Variants in DNA2 observed in about 807,000 individuals in gnomAD.
The protein encoded by DNA2 is DNA replication ATP-dependent helicase/nuclease DNA2.
In DNA2, 101 loss-of-function variants were observed where a neutral mutation model predicts 119.1. The observed-to-expected ratio is 0.85, with a 90% confidence interval of 0.72 to 1.00. DNA2 has a LOEUF of 1.00. Ranked by LOEUF, DNA2 falls within the 50% of genes least tolerant of loss-of-function variation. The pLI, the probability that DNA2 is intolerant of heterozygous loss-of-function variation, is 0.00. For missense variants in DNA2, 1,121 were observed against 1,255.5 expected (o/e 0.89, Z 1.62); for synonymous variants, 366 against 424.4 (o/e 0.86, Z 1.69).
chr10:68,439,031 C>CAAAAA (rs35393675), intron 9 of DNA2, among the ~76,000 whole-genome samples: 1 of 80,606 alleles, frequency 1.2e-5, no homozygotes, highest in Admixed American at 1.5e-4. Context: ...AGAATCTGTC[C>CAAAAA]AAAAAAAAAA....
Position 68,427,400 on chromosome 10 carries a change from C to T in DNA2, c.2208+3036G>A, listed in dbSNP as rs942410275. Among the ~76,000 whole-genome samples the T allele has an allele frequency of 5.3e-5, 8 of 151,418 alleles. No individual in the cohort carries two copies. In the East Asian group the frequency reaches 1.6e-3, roughly 29 times the overall value. On this transcript the variant is annotated intron_variant, in intron 14 of 20. Coordinates refer to ENST00000358410, the MANE Select transcript of DNA2 (RefSeq NM_001080449.3). ...TATGGCTGGATGCAGTGGCTCACAT[C>T]TGTAATCCCAACACTTTGGGAGGCA...
rs142420844 is a variant in DNA2, at chr10:68,429,882, A to ATTTT, written c.2208+550_2208+553dup. ...AATTCAAACTTACTAAAAAACCCGG[A>ATTTT]TTTTTTTTTTTTTTTTTTGAGCTGG... On this transcript the variant is annotated intron_variant, in intron 14 of 20. Transcript: ENST00000358410. 3.3e-3 allele frequency among the ~76,000 whole-genome samples: 414 copies of ATTTT among 123,646 alleles called. 18 individuals are homozygous for ATTTT. Among genetic ancestry groups the ATTTT allele is most frequent in the African/African-American group, 0.013 (394 of 31,112 alleles). 81.1% of individuals were successfully genotyped at this position (123,646 alleles called of 152,430 possible).
intron 14 of DNA2, among the ~76,000 whole-genome samples, chr10:68,429,316 A>G (rs1384976765): frequency 6.6e-6 from 1 of 151,584 alleles, no homozygotes. Flanking sequence ...AGGCCGAGGC[A>G]GGAGGATAAC....
At chr10:68,442,641 C>T (rs2051985144) in intron 9 of DNA2, among the ~76,000 whole-genome samples, 1 of 152,170 alleles carries the variant, frequency 6.6e-6, no homozygotes, top group South Asian at 2.1e-4. Flanking sequence ...CCCACCTCGG[C>T]CTCCCAAAGA....
At chr10:68,450,485 G>A (rs1025331508) in intron 5 of DNA2, among the ~76,000 whole-genome samples, 1 of 152,124 alleles carries the variant, frequency 6.6e-6, no homozygotes, top group Non-Finnish European at 1.5e-5. Context: ...GAAACTCTAG[G>A]GGTGAGGCCT....
chr10:68,430,289 T>C (rs2051802494), intron 14 of DNA2, 147 bp downstream of exon 14: 3 of 633,570 alleles, frequency 4.7e-6, no homozygotes, highest in Non-Finnish European at 8.1e-6. Context: ...TAGCAAACTA[T>C]AAGTTAATAA....
At chr10:68,430,381 T>A in intron 14 of DNA2, 55 bp downstream of exon 14, 2 of 1,280,878 alleles carry the variant, frequency 1.6e-6, no homozygotes, top group Non-Finnish European at 2.2e-6. Context: ...GTTTCTCCCC[T>A]CATTCTGGCT....
intron 5 of DNA2, among the ~76,000 whole-genome samples, chr10:68,456,811 T>C (rs964445223): frequency 2.0e-5 from 3 of 150,606 alleles, no homozygotes; most frequent in African/African-American, 7.3e-5. Context: ...CGTGCCTATT[T>C]AAAGAAAAAT....
chr10:68,467,108 C>G (rs1218105256), intron 3 of DNA2, among the ~76,000 whole-genome samples: 4 of 151,678 alleles, frequency 2.6e-5, no homozygotes, highest in Non-Finnish European at 5.9e-5. Flanking sequence ...TTGAAATAGC[C>G]CAAAATACAT....
intron 20 of DNA2, 116 bp from the exon 21 acceptor site, chr10:68,415,223 CT>C: frequency 1.7e-6 from 1 of 589,866 alleles, no homozygotes; most frequent in Non-Finnish European, 3.0e-6. Flanking sequence ...AAATAAGGAT[CT>C]TTATGGCATT....
intron 8 of DNA2, 95 bp downstream of exon 8, chr10:68,444,826 T>C: frequency 1.3e-6 from 1 of 768,390 alleles, no homozygotes; most frequent in East Asian, 3.0e-5. Flanking sequence ...ATAACTAAAA[T>C]GATGTTATCA....
At position 68,432,477 on chromosome 10, in the gene DNA2, G is replaced by A. The variant is rs760928575; in HGVS notation, c.1680C>T (p.Phe560=). The A allele has an allele frequency of 3.2e-6, 5 of 1,572,068 alleles. No individual in the cohort carries two copies. The South Asian group carries it at 5.9e-5, about 19-fold the overall frequency. The change falls in exon 11 of 21, where the codon TTC becomes TTT. Residue 560 remains phenylalanine (F), a synonymous_variant. Coordinates refer to ENST00000358410, the MANE Select transcript of DNA2 (RefSeq NM_001080449.3). The stretch of plus-strand genomic sequence containing the variant: ...AATTTTTTTCTTCTTGGTCTAATCT[G>A]AACAAAGTTGATTCTGGAAGGACCG... ...NLSVLPESTL[F]RLDQEEKNCD... is the part of the protein sequence containing the mutation.
intron 14 of DNA2, among the ~76,000 whole-genome samples, chr10:68,428,193 G>C (rs1368826066): frequency 1.3e-5 from 2 of 152,022 alleles, no homozygotes; most frequent in Admixed American, 1.3e-4. Flanking sequence ...TGGGCGTGGT[G>C]GCAGGCGCCT....
At chr10:68,419,963 T>A (rs540165973) in intron 17 of DNA2, 71 bp from the exon 18 acceptor site, 88 of 1,179,920 alleles carry the variant, frequency 7.5e-5, no homozygotes, top group Admixed American at 1.5e-4. Context: ...CAACTGGCCA[T>A]AAAGACTATA....
rs10998173 is a variant in DNA2, at chr10:68,446,633, T to C, written c.940-220A>G. On this transcript the variant is annotated intron_variant, in intron 6 of 20. Coordinates refer to ENST00000358410, the MANE Select transcript of DNA2 (RefSeq NM_001080449.3). ...GGCTCAGGCCTGCAATCCCAACACT[T>C]TGGGAGGCCAAGGCAGGCAGATCGC... Among the ~76,000 whole-genome samples the C allele has an allele frequency of 0.22, 33,029 of 152,042 alleles. 3,936 individuals carry two copies. Among genetic ancestry groups the C allele is most frequent in the East Asian group, 0.39 (2,017 of 5,164 alleles).
chr10:68,438,952 G>A (rs1160232443), intron 9 of DNA2, among the ~76,000 whole-genome samples: 1 of 145,748 alleles, frequency 6.9e-6, no homozygotes, highest in African/African-American at 2.5e-5. Flanking sequence ...AGAATCACTT[G>A]AACCCGGGAG....
In DNA2 at chr10:68,415,085, T is replaced by C. The variant is rs1273042994; in HGVS notation, c.3137A>G (p.Glu1046Gly). The change falls in exon 21 of 21, where the codon GAA becomes GGA. Residue 1046 changes from glutamate (E) to glycine (G), a missense_variant. By Grantham distance (98) the Glu-to-Gly change is moderately conservative. Transcript: ENST00000358410. ...EKLIIDLPSREHESLCHILGD... is the reference protein window; with the variant it reads ...EKLIIDLPSRGHESLCHILGD... The stretch of plus-strand genomic sequence containing the variant: ...CAATATGTGGCAAAGACTTTCATGT[T>C]CTCTTGATGGAAGATCAATGATGTA... 1 of 1,574,970 alleles carries C rather than the reference T, an allele frequency of 6.3e-7. No homozygotes were observed. Among genetic ancestry groups the C allele is most frequent in the Admixed American group, 1.8e-5 (1 of 54,500 alleles).
chr10:68,419,470 C>A lies in DNA2; in HGVS notation c.2788-257G>T, dbSNP rs548681802. ...AGGATTATATGCTACTAAAACAGTGCACACACACACACACACAGTACAAAG... is the reference window on the plus strand; with the variant it reads ...AGGATTATATGCTACTAAAACAGTGAACACACACACACACACAGTACAAAG... On this transcript the variant is annotated intron_variant, in intron 18 of 20. Coordinates refer to ENST00000358410, the MANE Select transcript of DNA2 (RefSeq NM_001080449.3). The A allele has an allele frequency of 1.7e-4, 49 of 283,432 alleles. No homozygotes were observed. In the South Asian group the frequency reaches 2.4e-3, roughly 14 times the overall value. 17.6% of individuals were successfully genotyped at this position (283,432 alleles called of 1,614,324 possible).
chr10:68,454,869 G>GA (rs370500646), intron 5 of DNA2, among the ~76,000 whole-genome samples: 1 of 150,316 alleles, frequency 6.7e-6, no homozygotes, highest in Non-Finnish European at 1.5e-5. Context: ...GAAGGAGGGG[G>GA]AAAAAAGGAG....
Sources: allele counts gnomAD v4.1 joint callset (sites outside exome capture counted in the v4.1 genomes callset), GRCh38; gene constraint gnomAD v4.1.1; transcripts MANE v1.5; gene names NCBI Gene and HGNC (gene_info 2026-07-23, HGNC 2026-07-21).